Variants in SFPQ observed in about 807,000 individuals in gnomAD.
The protein encoded by SFPQ is splicing factor proline and glutamine rich.
A neutral mutation model predicts 72.9 loss-of-function variants in SFPQ; 11 were observed. The observed-to-expected ratio is 0.15, with a 90% CI of 0.09 to 0.25. The LOEUF is 0.25. Ranked by LOEUF, SFPQ falls within the 10% of genes least tolerant of loss-of-function variation. SFPQ has a pLI of 1.00. For missense variants in SFPQ, 847 were observed against 993.3 expected (o/e 0.85, Z 1.98); for synonymous variants, 506 against 367.3 (o/e 1.38, Z -4.32).
At chr1:35,192,150 G>C in intron 1 of SFPQ, 72 bp downstream of exon 1, 1 of 1,203,022 alleles carries the variant, frequency 8.3e-7, no homozygotes, top group Non-Finnish European at 1.1e-6. Flanking sequence ...GAAGCCCAGC[G>C]CGGGGGCGGG....
At chr1:35,192,062 C>A (rs951502845) in intron 1 of SFPQ, among the ~76,000 whole-genome samples, 160 bp downstream of exon 1, 5 of 151,860 alleles carry the variant, frequency 3.3e-5, no homozygotes, top group Non-Finnish European at 5.9e-5. Flanking sequence ...GCCAATCCCC[C>A]GCCGACCGAC....
intron 1 of SFPQ, 119 bp downstream of exon 1, chr1:35,192,103 G>T: frequency 2.4e-6 from 2 of 834,166 alleles, no homozygotes; most frequent in Non-Finnish European, 3.2e-6. Flanking sequence ...CCCCGCAGCG[G>T]CGCGCGCAAG....
chr1:35,180,612 T>A, downstream of SFPQ: 1 of 1,049,968 alleles, frequency 9.5e-7, no homozygotes, highest in Non-Finnish European at 1.1e-6. Context: ...ATGAAGCCCA[T>A]GTTTTTAAAA....
At position 35,192,684 on chromosome 1, in the gene SFPQ, G is replaced by A. The variant is rs765762991; in HGVS notation, c.366C>T (p.Gly122=). The A allele has an allele frequency of 7.0e-7, 1 of 1,428,334 alleles. No individual in the cohort carries two copies. Among genetic ancestry groups the A allele is most frequent in the African/African-American group, 1.5e-5 (1 of 67,236 alleles). 88.5% of individuals were successfully genotyped at this position (1,428,334 alleles called of 1,614,324 possible). A position where few individuals can be genotyped will look rare whatever the true frequency, so the allele number is the denominator to read the frequency against. The change falls in exon 1 of 10, where the codon GGC becomes GGT. Residue 122 remains glycine (G), a synonymous_variant. Transcript: ENST00000357214. ...CCGAGCTGGAGGCTGGTGGTGCGCTGCCTACTCCGGGAGCGGGGCCGGGTC... is the reference window on the plus strand; with the variant it reads ...CCGAGCTGGAGGCTGGTGGTGCGCTACCTACTCCGGGAGCGGGGCCGGGTC... ...AQGPGPAPGV[G]SAPPASSSAP...
downstream of SFPQ, chr1:35,178,080 A>G: frequency 8.0e-7 from 1 of 1,244,830 alleles, no homozygotes; most frequent in Non-Finnish European, 1.0e-6. Context: ...ACAAGGGTAT[A>G]AAATAAAGGT....
downstream of SFPQ, chr1:35,181,508 T>A: frequency 1.9e-6 from 2 of 1,063,590 alleles, no homozygotes; most frequent in Non-Finnish European, 2.3e-6. Context: ...ATGAGTTTAA[T>A]GTTCTAAGCA....
downstream of SFPQ, chr1:35,178,269 T>C (rs899831230): frequency 3.7e-5 from 41 of 1,097,614 alleles, no homozygotes; most frequent in African/African-American, 4.9e-5. Flanking sequence ...TTCTTTAAAA[T>C]GTAAAAGCCT....
chr1:35,189,322 C>G lies in SFPQ; in HGVS notation c.1476G>C (p.Gln492His). ...CCATTTCATCCAAAGACTTCCATCGCTGAGAATATTCGTACTCAAACGTGC... is the reference window on the plus strand; with the variant it reads ...CCATTTCATCCAAAGACTTCCATCGGTGAGAATATTCGTACTCAAACGTGC... ...QHGTFEYEYSQRWKSLDEMEK... is the reference protein window; with the variant it reads ...QHGTFEYEYSHRWKSLDEMEK... Residue 492 changes from glutamine (Q) to histidine (H), a missense_variant, in exon 5 of 10, where the codon CAG becomes CAC. Transcript: ENST00000357214. 6.2e-7 allele frequency: 1 copy of G among 1,614,112 alleles called. No individual in the cohort carries two copies. The highest frequency in any genetic ancestry group is 8.5e-7 in the Non-Finnish European group (1 of 1,180,012).
At chr1:35,179,913 G>GTGA (rs1639396363), downstream of SFPQ, 5 of 1,055,050 alleles carry the variant, frequency 4.7e-6, no homozygotes. Context: ...ATGTAATTTA[G>GTGA]TGATACTCAT....
rs549393005 is a variant in SFPQ at position 35,192,867 on chromosome 1, C to T, written c.183G>A (p.Pro61=). The T allele has an allele frequency of 1.6e-5, 24 of 1,531,716 alleles. No individual in the cohort carries two copies. Among genetic ancestry groups the T allele is most frequent in the Non-Finnish European group, 1.9e-5 (22 of 1,148,088 alleles). The allele number at this position is 1,531,716 out of a possible 1,614,324, so 94.9% of individuals were successfully genotyped here. A position where few individuals can be genotyped will look rare whatever the true frequency, so the allele number is the denominator to read the frequency against. ...PGQSGPKPPI[P]PPPPHQQQQQ... is the part of the protein sequence containing the mutation. ...GCTGCTGTTGGTGTGGAGGCGGTGG[C>T]GGGATCGGAGGCTTAGGGCCGCTCT... The change falls in exon 1 of 10, where the codon CCG becomes CCA. Residue 61 remains proline, a synonymous_variant. Transcript: ENST00000357214.
chr1:35,179,366 A>C, downstream of SFPQ: 5 of 1,057,378 alleles, frequency 4.7e-6, no homozygotes, highest in Non-Finnish European at 4.6e-6. Context: ...AAGAGCACCC[A>C]TTGCATTTCT....
downstream of SFPQ, chr1:35,178,396 T>C (rs1639334228): frequency 9.4e-7 from 1 of 1,064,736 alleles, no homozygotes. Context: ...CATCAGCTCT[T>C]TTTTCATATG....
At chr1:35,190,466 A>T (rs1340567530) in intron 4 of SFPQ, 32 bp downstream of exon 4, 12 of 1,479,682 alleles carry the variant, frequency 8.1e-6, no homozygotes, top group Non-Finnish European at 1.1e-5. Flanking sequence ...CACTTGATTT[A>T]AAAACTGCCA....
At chr1:35,192,157 CG>C in intron 1 of SFPQ, 64 bp downstream of exon 1, 1 of 1,239,376 alleles carries the variant, frequency 8.1e-7, no homozygotes. Context: ...AGCGCGGGGG[CG>C]GGGGCGAGGA....
Position 35,192,901 on chromosome 1 carries a change from C to G in SFPQ, c.149G>C (p.Gly50Ala). The change falls in exon 1 of 10, where the codon GGC becomes GCC. Residue 50 changes from glycine (G) to alanine (A), a missense_variant. This residue lies in a region of SFPQ where 498 missense variants were observed against 405.1 expected (regional missense o/e 1.23). Coordinates refer to ENST00000357214, the MANE Select transcript of SFPQ (RefSeq NM_005066.3). ...AGGCTTAGGGCCGCTCTGGCCCGGG[C>G]CAGGACCCATGGGGCCGCGATTCTG... ...LNQNRGPMGP[G>A]PGQSGPKPPI... 1 of 1,576,558 alleles carries G rather than the reference C, an allele frequency of 6.3e-7. No individual in the cohort carries two copies.
chr1:35,180,923 ACT>A, downstream of SFPQ: 1 of 985,320 alleles, frequency 1.0e-6, no homozygotes, highest in East Asian at 1.1e-4. Flanking sequence ...TCAAGTTTGC[ACT>A]TTTTATCTGA....
rs963822327 is a variant in SFPQ at position 35,183,884 on chromosome 1, T to C, written c.*572A>G. The C allele has an allele frequency of 9.5e-7, 1 of 1,053,166 alleles. No individual in the cohort carries two copies. The highest frequency in any genetic ancestry group is 1.1e-6 in the Non-Finnish European group (1 of 871,486). The allele number at this position is 1,053,166 out of a possible 1,614,324, so 65.2% of individuals were successfully genotyped here. The stretch of plus-strand genomic sequence containing the variant: ...TTTGCTTACATAACCATTTAAAAAA[T>C]ACTTAGCACCAGCGTGCTTCCTATA... On this transcript the variant is annotated 3_prime_UTR_variant, in exon 10 of 10. Coordinates refer to ENST00000357214, the MANE Select transcript of SFPQ (RefSeq NM_005066.3).
chr1:35,187,672 A>G (rs1639785857), intron 7 of SFPQ, among the ~76,000 whole-genome samples: 1 of 151,870 alleles, frequency 6.6e-6, no homozygotes, highest in Admixed American at 6.6e-5. Flanking sequence ...CAGATGCTGC[A>G]GTGAGCCAAG....
chr1:35,192,938 T>C lies in SFPQ; in HGVS notation c.112A>G (p.Met38Val), dbSNP rs758388259. 1 of 1,543,844 alleles carries C rather than the reference T, an allele frequency of 6.5e-7. No individual in the cohort carries two copies. The highest frequency in any genetic ancestry group is 1.8e-5 in the Admixed American group (1 of 56,306). The change falls in exon 1 of 10, where the codon ATG (methionine) becomes GTG (valine). Residue 38 changes from methionine to valine, a missense_variant. Physicochemically the swap from Met to Val is conservative, Grantham distance 21 (BLOSUM62 1). Transcript: ENST00000357214. ...LHDFRSPPPG[M>V]GLNQNRGPMG... ...GGGCCGCGATTCTGATTGAGGCCCA[T>C]GCCGGGCGGCGGAGAACGGAAGTCG...
Sources: allele counts gnomAD v4.1 joint callset (sites outside exome capture counted in the v4.1 genomes callset), GRCh38; gene constraint gnomAD v4.1.1; regional missense constraint gnomAD v4.1.1; transcripts MANE v1.5; gene names NCBI Gene and HGNC (gene_info 2026-07-23, HGNC 2026-07-21).